The following ADGRF5 variants were observed in gnomAD, a reference collection of about 807,000 sequenced individuals.
ADGRF5 encodes the protein adhesion G protein-coupled receptor F5, also known as G-protein coupled receptor 116.
Under a neutral mutation model 132.3 loss-of-function variants are expected in ADGRF5, and 75 were observed. The ratio of observed to expected loss-of-function variants is 0.57; its 90% CI spans 0.47 to 0.69. The LOEUF is 0.69. ADGRF5 is among the 30% of genes least tolerant of loss of function. ADGRF5 has a pLI of 0.00. For missense variants in ADGRF5, 1,516 were observed against 1,630.6 expected (o/e 0.93, Z 1.21); for synonymous variants, 629 against 597.6 (o/e 1.05, Z -0.77).
In ADGRF5 at chr6:46,860,643, G is replaced by A. The variant is rs543106691; in HGVS notation, c.2379+72C>T. 89 of 1,111,652 alleles carry A rather than the reference G, an allele frequency of 8.0e-5. No homozygotes were observed. In the Admixed American group the frequency reaches 1.2e-3, roughly 15 times the overall value. 68.9% of individuals were successfully genotyped at this position (1,111,652 alleles called of 1,614,324 possible). On this transcript the variant is annotated intron_variant, in intron 16 of 20. Transcript: ENST00000283296. ...AGAAGCTGCAATGGGGAGGAATTAC[G>A]TTTCTTGAATACAAATTCTGAGGGG...
chr6:46,869,400 A>G, intron 11 of ADGRF5: 1 of 985,406 alleles, frequency 1.0e-6, no homozygotes, highest in South Asian at 4.7e-5. Context: ...TTGCAAACTT[A>G]GGGGTGTCGC....
At chr6:46,863,463 T>C (rs981883751) in intron 14 of ADGRF5, among the ~76,000 whole-genome samples, 3 of 152,224 alleles carry the variant, frequency 2.0e-5, no homozygotes, top group African/African-American at 7.2e-5. Flanking sequence ...TTTTTAAGCC[T>C]CCCTGGTGAT....
intron 3 of ADGRF5, among the ~76,000 whole-genome samples, chr6:46,889,568 G>GTGTATATATA (rs1263241979): frequency 2.8e-4 from 22 of 77,818 alleles, no homozygotes; most frequent in South Asian, 8.1e-4. Context: ...GTGTGTGTGT[G>GTGTATATATA]TATATATATA....
chr6:46,954,070 C>G (rs1778630150), intron 1 of ADGRF5, among the ~76,000 whole-genome samples: 1 of 152,014 alleles, frequency 6.6e-6, no homozygotes, highest in Non-Finnish European at 1.5e-5. Context: ...GAGCACCCAG[C>G]TAAGGAGTGA....
At chr6:46,872,050 C>T (rs374681682) in intron 10 of ADGRF5, 37 bp from the exon 11 acceptor site, 1 of 1,500,788 alleles carries the variant, frequency 6.7e-7, no homozygotes, top group Non-Finnish European at 9.1e-7. Context: ...TCCCAGCTGG[C>T]TAACTCTTTT....
At chr6:46,928,499 C>T (rs1777371958) in intron 1 of ADGRF5, among the ~76,000 whole-genome samples, 1 of 152,122 alleles carries the variant, frequency 6.6e-6, no homozygotes, top group African/African-American at 2.4e-5. Context: ...ACTGAGCGCT[C>T]CATAGACTCC....
intron 3 of ADGRF5, among the ~76,000 whole-genome samples, chr6:46,888,717 T>G (rs955259221): frequency 6.6e-6 from 1 of 152,168 alleles, no homozygotes; most frequent in African/African-American, 2.4e-5. Flanking sequence ...GTGTGAAGTA[T>G]GGAATGTAAC....
intron 13 of ADGRF5, 78 bp from the exon 14 acceptor site, chr6:46,865,275 T>C (rs1188005312): frequency 1.0e-6 from 1 of 967,768 alleles, no homozygotes; most frequent in Non-Finnish European, 1.6e-6. Flanking sequence ...TAACCTAATA[T>C]GAATAAACCT....
At chr6:46,949,277 C>T (rs1778408698) in intron 1 of ADGRF5, among the ~76,000 whole-genome samples, 1 of 152,152 alleles carries the variant, frequency 6.6e-6, no homozygotes, top group Non-Finnish European at 1.5e-5. Context: ...TGAGATGCTG[C>T]CCAAGCATGG....
rs774635590 is a variant in ADGRF5 at position 46,882,055 on chromosome 6, C to T, written c.665G>A (p.Gly222Glu). 1 of 1,606,190 alleles carries T rather than the reference C, an allele frequency of 6.2e-7. No homozygotes were observed. The highest frequency in any genetic ancestry group is 8.5e-7 in the Non-Finnish European group (1 of 1,172,904). ...LPGFKGVTVT[G>E]FKSGSVVVTY... is the part of the protein sequence containing the mutation. ...CAAATTAAAGTATTCTTACTTGAAC[C>T]CTGTCACAGTCACGCCCTTGAAGCC... The change falls in exon 7 of 21, where the codon GGG becomes GAG. Residue 222 changes from glycine (G) to glutamate (E), a missense_variant. Around this residue, in one of 2 missense-constraint regions of ADGRF5, gnomAD observed 945 missense variants for 929.4 expected, o/e 1.02. Transcript: ENST00000283296.
chr6:46,941,028 G>A (rs1023863656), intron 1 of ADGRF5, among the ~76,000 whole-genome samples: 2 of 152,022 alleles, frequency 1.3e-5, no homozygotes, highest in African/African-American at 4.8e-5. Context: ...CAACATTCTG[G>A]GAACTTGTTG....
At position 46,906,751 on chromosome 6, in the gene ADGRF5, TG is replaced by T; in HGVS notation, c.11del (p.Pro4GlnfsTer12). 1 of 1,591,392 alleles carries T rather than the reference TG, an allele frequency of 6.3e-7. No homozygotes were observed. Among genetic ancestry groups the T allele is most frequent in the Non-Finnish European group, 8.6e-7 (1 of 1,159,546 alleles). On this transcript the variant is annotated frameshift_variant, in exon 2 of 21. Coordinates refer to ENST00000283296, the MANE Select transcript of ADGRF5 (RefSeq NM_001098518.2). LOFTEE classifies it high-confidence loss of function. ...ACATGAGGCACAAAGTGGTTCTCCT[TG>T]GGGATTTCATGTCTTCAAGTTTGAG... MKS[P>X]RRTTLCLMFI...
At chr6:46,877,289 T>TTCTTTCTTTCTTTCTC (rs1395354122) in intron 10 of ADGRF5, among the ~76,000 whole-genome samples, 2 of 68,068 alleles carry the variant, frequency 2.9e-5, no homozygotes, top group Non-Finnish European at 6.4e-5. Context: ...CTTTCTTTCT[T>TTCTTTCTTTCTTTCTC]TCTCTCTCTC....
At chr6:46,897,768 A>G (rs1184105797) in intron 3 of ADGRF5, among the ~76,000 whole-genome samples, 1 of 151,670 alleles carries the variant, frequency 6.6e-6, no homozygotes, top group Non-Finnish European at 1.5e-5. Flanking sequence ...CTGGTCTCGA[A>G]CTCCTGACCT....
Position 46,902,075 on chromosome 6 carries a change from T to C in ADGRF5, c.103-1992A>G, listed in dbSNP as rs938690773. On this transcript the variant is annotated intron_variant, in intron 2 of 20. Coordinates refer to ENST00000283296, the MANE Select transcript of ADGRF5 (RefSeq NM_001098518.2). ...GATGATTGGAATTTCAAAAGCCCAG[T>C]TGCTGCTTTATTTGCAGTGAAGTTA... Among the ~76,000 whole-genome samples the C allele has an allele frequency of 3.9e-5, 6 of 152,336 alleles. No homozygotes were observed. The East Asian group carries it at 1.2e-3, about 29-fold the overall frequency.
chr6:46,913,748 G>T (rs541177947), intron 1 of ADGRF5, among the ~76,000 whole-genome samples: 2 of 152,170 alleles, frequency 1.3e-5, no homozygotes, highest in African/African-American at 4.8e-5. Flanking sequence ...GAAGTAGAAG[G>T]TGAAGGTTCT....
chr6:46,881,506 G>A lies in ADGRF5; in HGVS notation c.763C>T (p.Leu255Phe). 6.2e-7 allele frequency: 1 copy of A among 1,613,290 alleles called. No individual in the cohort carries two copies. Among genetic ancestry groups the A allele is most frequent in the Non-Finnish European group, 8.5e-7 (1 of 1,179,238 alleles). The change falls in exon 8 of 21, where the codon CTC (leucine) becomes TTC (phenylalanine). Residue 255 changes from leucine (L) to phenylalanine (F), a missense_variant. Leu to Phe is a conservative substitution (Grantham distance 22). Around this residue, in one of 2 missense-constraint regions of ADGRF5, gnomAD observed 945 missense variants for 929.4 expected, o/e 1.02. Transcript: ENST00000283296. ...TAGTCCATTTTGTAGGTCTGATTGA[G>A]GCTCTGTACAACTTGTTCATTGGCT... ...HKANEQVVQS[L>F]NQTYKMDYNS...
intron 3 of ADGRF5, among the ~76,000 whole-genome samples, chr6:46,890,780 C>T (rs1462356528): frequency 6.6e-6 from 1 of 152,100 alleles, no homozygotes; most frequent in Non-Finnish European, 1.5e-5. Context: ...TTAAAATTTA[C>T]ATTCTATCTG....
chr6:46,869,533 A>C (rs181613342), intron 11 of ADGRF5, among the ~76,000 whole-genome samples: 2 of 152,236 alleles, frequency 1.3e-5, no homozygotes, highest in African/African-American at 4.8e-5. Flanking sequence ...CACATTGTGT[A>C]TTATTTTCTC....
Sources: allele counts gnomAD v4.1 joint callset (sites outside exome capture counted in the v4.1 genomes callset), GRCh38; gene constraint gnomAD v4.1.1; regional missense constraint gnomAD v4.1.1; transcripts MANE v1.5; gene names NCBI Gene and HGNC (gene_info 2026-07-23, HGNC 2026-07-21).